DCST2: variants seen among roughly 807,000 people sequenced by gnomAD.
The protein encoded by DCST2 is DC-STAMP domain containing 2.
DCST2 carries 64 observed loss-of-function variants against 81.8 expected under a neutral mutation model. The observed-to-expected ratio is 0.78, with a 90% CI of 0.64 to 0.96. The LOEUF (loss-of-function observed/expected upper bound fraction) is 0.96. DCST2 is among the 40% of genes least tolerant of loss of function. The probability of loss-of-function intolerance (pLI) is 0.00; values close to 1 mark genes in which losing one functional copy is unlikely to be tolerated. For synonymous variants in DCST2, 354 were observed against 402.6 expected (o/e 0.88, Z 1.44); for missense variants, 945 against 1,001.4 (o/e 0.94, Z 0.76).
At chr1:155,019,960 GCT>G (rs1292021082) in intron 14 of DCST2, among the ~76,000 whole-genome samples, 1 of 152,160 alleles carries the variant, frequency 6.6e-6, no homozygotes, top group African/African-American at 2.4e-5. Flanking sequence ...TGCCTGCTCT[GCT>G]CTCTCAGCAG....
Position 155,029,414 on chromosome 1 carries a change from T to C in DCST2, c.1178-17A>G, listed in dbSNP as rs1480428243. ...AGATGGAGCCTGAGCAGGAGTGGGA[T>C]GGTCAGGAGGATGCTCCCCAGTTCT... On this transcript the variant is annotated splice_polypyrimidine_tract_variant and intron_variant, in intron 7 of 14. Coordinates refer to ENST00000368424, the MANE Select transcript of DCST2 (RefSeq NM_144622.3). 6.2e-7 allele frequency: 1 copy of C among 1,611,640 alleles called. No homozygotes were observed. Among genetic ancestry groups the C allele is most frequent in the Non-Finnish European group, 8.5e-7 (1 of 1,178,642 alleles).
chr1:155,025,193 G>C (rs545750662), intron 10 of DCST2, among the ~76,000 whole-genome samples: 1 of 151,336 alleles, frequency 6.6e-6, no homozygotes, highest in Non-Finnish European at 1.5e-5. Context: ...GGCCTGCCTC[G>C]AATCTGTGAG....
chr1:155,024,022 G>A lies in DCST2; in HGVS notation c.1743-63C>T, dbSNP rs775920374. The A allele has an allele frequency of 6.0e-4, 930 of 1,559,344 alleles. 1 individual carries two copies. The highest frequency in any genetic ancestry group is 4.5e-4 in the Non-Finnish European group (520 of 1,151,330). On this transcript the variant is annotated intron_variant, in intron 11 of 14. Coordinates refer to ENST00000368424, the MANE Select transcript of DCST2 (RefSeq NM_144622.3). Reference sequence around the variant, plus strand: ...AGCCAGCTTAACCCTCCCCACTCCAGCACCAACCTCCAAATGGCAGGGAGG... The same window carrying A: ...AGCCAGCTTAACCCTCCCCACTCCAACACCAACCTCCAAATGGCAGGGAGG...
intron 10 of DCST2, 36 bp downstream of exon 10, chr1:155,026,266 G>A: frequency 6.2e-7 from 1 of 1,607,306 alleles, no homozygotes; most frequent in South Asian, 1.1e-5. Flanking sequence ...CCCTGGGGAG[G>A]GGGCAGGGAC....
intron 3 of DCST2, among the ~76,000 whole-genome samples, chr1:155,032,446 A>G (rs530891100): frequency 2.6e-5 from 4 of 152,190 alleles, no homozygotes; most frequent in Admixed American, 2.6e-4. Flanking sequence ...GACTACAGAC[A>G]TGTGTCATTA....
Position 155,033,464 on chromosome 1 carries a change from C to A in DCST2, c.238G>T (p.Val80Phe), listed in dbSNP as rs1660166370. The A allele has an allele frequency of 6.2e-7, 1 of 1,613,810 alleles. No homozygotes were observed. The change falls in exon 1 of 15, where the codon GTC becomes TTC. Residue 80 changes from valine to phenylalanine, a missense_variant. Val to Phe is a conservative substitution (Grantham distance 50, BLOSUM62 -1). Coordinates refer to ENST00000368424, the MANE Select transcript of DCST2 (RefSeq NM_144622.3). ...MGFSRQVRAT[V>F]LLLLPQAFSR... is the part of the protein sequence containing the mutation. ...AAGGCCTGAGGCAGCAGCAGGAGGA[C>A]AGTGGCTCGGACCTGGCGAGAGAAT...
chr1:155,024,073 C>T, intron 11 of DCST2, 114 bp from the exon 12 acceptor site: 7 of 1,400,670 alleles, frequency 5.0e-6, no homozygotes, highest in Non-Finnish European at 6.7e-6. Context: ...GCAGTACATC[C>T]TCCATCCCTC....
At chr1:155,019,841 G>A (rs556753330) in intron 14 of DCST2, among the ~76,000 whole-genome samples, 1 of 152,304 alleles carries the variant, frequency 6.6e-6, no homozygotes, top group East Asian at 1.9e-4. Context: ...GGCCTTTGAC[G>A]CTACCTGGAA....
At position 155,026,560 on chromosome 1, in the gene DCST2, A is replaced by G. The variant is rs1221652937; in HGVS notation, c.1498T>C (p.Tyr500His). Residue 500 changes from tyrosine to histidine, a missense_variant, in exon 9 of 15, where the codon TAC (tyrosine) becomes CAC (histidine). By Grantham distance (83) the Tyr-to-His change is moderately conservative (BLOSUM62 2). Transcript: ENST00000368424. ...GTGTAGTTGATACCAATGACTATGT[A>G]GCCAGTGCTGTCAGGCTCCGAGGGA... ...LRPSEPDSTG[Y>H]IVIGVMYGLC... is the part of the protein sequence containing the mutation. The G allele has an allele frequency of 1.9e-6, 3 of 1,614,048 alleles. No homozygotes were observed. The highest frequency in any genetic ancestry group is 3.3e-5 in the Admixed American group (2 of 60,012).
chr1:155,033,407 C>G, intron 1 of DCST2, 27 bp downstream of exon 1: 1 of 1,606,576 alleles, frequency 6.2e-7, no homozygotes, highest in Non-Finnish European at 8.5e-7. Context: ...CCAGGACCTG[C>G]CCCCTAGCCC....
chr1:155,023,238 C>T lies in DCST2; in HGVS notation c.1984G>A (p.Gly662Ser), dbSNP rs766778547. ...GCTGCAGCCAGCCATAGCTGAGGGC[C>T]CTCCTCATCGCTGGAGTCCCTGGAG... ...DLELDSSDEE[G>S]PQLWLAAAQR... Residue 662 changes from glycine to serine, a missense_variant, in exon 14 of 15, where the codon GGC becomes AGC. Transcript: ENST00000368424. 1 of 1,614,164 alleles carries T rather than the reference C, an allele frequency of 6.2e-7. No homozygotes were observed.
At chr1:155,031,276 G>A in intron 4 of DCST2, 42 bp from the exon 5 acceptor site, 1 of 1,533,568 alleles carries the variant, frequency 6.5e-7, no homozygotes, top group Non-Finnish European at 8.8e-7. Flanking sequence ...GAGGGGCACA[G>A]CCAGGCCTGC....
At chr1:155,020,475 T>G (rs1659723263) in intron 14 of DCST2, among the ~76,000 whole-genome samples, 1 of 152,158 alleles carries the variant, frequency 6.6e-6, no homozygotes, top group African/African-American at 2.4e-5. Context: ...GTTCAAGTGA[T>G]TCTTCTGCCT....
chr1:155,022,167 C>T (rs980383450), intron 14 of DCST2, among the ~76,000 whole-genome samples: 7 of 152,086 alleles, frequency 4.6e-5, no homozygotes, highest in Non-Finnish European at 7.4e-5. Context: ...GTGCCCGGCC[C>T]GCTTATGGTC....
chr1:155,030,023 C>G, intron 7 of DCST2, 61 bp downstream of exon 7: 1 of 1,601,728 alleles, frequency 6.2e-7, no homozygotes, highest in Non-Finnish European at 8.5e-7. Flanking sequence ...GGCAGGGCAG[C>G]GGGGTGGGGG....
At chr1:155,026,808 G>T in intron 8 of DCST2, 93 bp from the exon 9 acceptor site, 1 of 1,485,448 alleles carries the variant, frequency 6.7e-7, no homozygotes, top group Non-Finnish European at 9.3e-7. Context: ...AGCAGCGCAG[G>T]TCATAGGATG....
intron 14 of DCST2, among the ~76,000 whole-genome samples, chr1:155,022,811 A>G (rs1454753607): frequency 1.3e-5 from 2 of 152,192 alleles, no homozygotes; most frequent in African/African-American, 4.8e-5. Flanking sequence ...CTTCATTAAT[A>G]TGCCCCTTTT....
intron 4 of DCST2, 42 bp downstream of exon 4, chr1:155,031,532 C>CCA: frequency 1.3e-6 from 2 of 1,545,064 alleles, no homozygotes; most frequent in South Asian, 1.1e-5. Context: ...CCACCCCACC[C>CCA]CACATCGGCT....
rs973953162 is a variant in DCST2, at chr1:155,031,178, T to C, written c.796A>G (p.Ile266Val). The C allele has an allele frequency of 4.4e-6, 7 of 1,590,646 alleles. No homozygotes were observed. Among genetic ancestry groups the C allele is most frequent in the African/African-American group, 1.4e-5 (1 of 73,398 alleles). ...KYIQPFLRQT[I>V]GTPVIQLLNR... ...GGAGGGGGTCACTCACGGGTGCCGA[T>C]GGTCTGGCGCAAGAAGGGTTGAATG... is the stretch of plus-strand genomic sequence containing the variant. The change falls in exon 5 of 15, where the codon ATC becomes GTC. Residue 266 changes from isoleucine (I) to valine (V), a missense_variant. Physicochemically the swap from Ile to Val is conservative, Grantham distance 29 (BLOSUM62 3). Transcript: ENST00000368424.
Sources: allele counts gnomAD v4.1 joint callset (sites outside exome capture counted in the v4.1 genomes callset), GRCh38; gene constraint gnomAD v4.1.1; transcripts MANE v1.5; gene names NCBI Gene and HGNC (gene_info 2026-07-23, HGNC 2026-07-21).